Variants in CNTNAP2 observed in about 807,000 individuals in gnomAD.
The protein encoded by CNTNAP2 is contactin associated protein 2.
A neutral mutation model predicts 155.2 loss-of-function variants in CNTNAP2; 98 were observed. The ratio of observed to expected loss-of-function variants is 0.63; its 90% CI spans 0.54 to 0.75. The LOEUF (loss-of-function observed/expected upper bound fraction) is 0.75, where lower values mean the gene tolerates loss of function less well. CNTNAP2 is among the 30% of genes least tolerant of loss of function. CNTNAP2 has a pLI of 0.00. For missense variants in CNTNAP2, 1,727 were observed against 1,688.1 expected, an observed-to-expected ratio of 1.02 and a Z score of -0.40; for synonymous variants, 651 against 631.2, an observed-to-expected ratio of 1.03 and a Z score of -0.47.
intron 10 of CNTNAP2, among the ~76,000 whole-genome samples, chr7:147,434,336 C>T (rs1797515478): frequency 6.6e-6 from 1 of 152,002 alleles, no homozygotes. Context: ...CCCTATTTTC[C>T]TCACGTTTGT....
intron 13 of CNTNAP2, among the ~76,000 whole-genome samples, chr7:147,865,439 C>A (rs534744389): frequency 9.2e-5 from 14 of 152,150 alleles, no homozygotes; most frequent in Non-Finnish European, 1.5e-4. Flanking sequence ...ATGTTGGCCT[C>A]ATAAAGTGAG....
At chr7:147,011,350 C>T (rs1011569184) in intron 3 of CNTNAP2, among the ~76,000 whole-genome samples, 4 of 125,006 alleles carry the variant, frequency 3.2e-5, no homozygotes, top group African/African-American at 6.1e-5. Flanking sequence ...GGAGGCGAGG[C>T]GGGGGTTGCA....
At chr7:146,652,281 T>C (rs192129484) in intron 1 of CNTNAP2, among the ~76,000 whole-genome samples, 98 of 152,284 alleles carry the variant, frequency 6.4e-4, no homozygotes, top group African/African-American at 2.2e-3. Flanking sequence ...GAACATTTTC[T>C]GAATGACACA....
chr7:147,319,003 A>G (rs981303342), intron 9 of CNTNAP2, among the ~76,000 whole-genome samples: 5 of 152,178 alleles, frequency 3.3e-5, no homozygotes, highest in African/African-American at 1.2e-4. Flanking sequence ...TTTTAAAAAT[A>G]TAAGTGGATA....
At chr7:147,087,483 T>C (rs1012318440) in intron 4 of CNTNAP2, among the ~76,000 whole-genome samples, 1 of 152,202 alleles carries the variant, frequency 6.6e-6, no homozygotes, top group Non-Finnish European at 1.5e-5. Flanking sequence ...TAAAAGTCAT[T>C]GTTTGTACCT....
At chr7:147,004,512 AT>A (rs1798488933) in intron 3 of CNTNAP2, among the ~76,000 whole-genome samples, 1 of 152,062 alleles carries the variant, frequency 6.6e-6, no homozygotes, top group Non-Finnish European at 1.5e-5. Flanking sequence ...AGGTAAAAAT[AT>A]AAATTTCCGG....
chr7:146,175,143 T>A (rs1584787415), intron 1 of CNTNAP2, among the ~76,000 whole-genome samples: 1 of 152,082 alleles, frequency 6.6e-6, no homozygotes, highest in African/African-American at 2.4e-5. Context: ...AAGAAATGGG[T>A]AGATCATCTG....
At chr7:148,125,679 G>A (rs1421207021) in intron 16 of CNTNAP2, among the ~76,000 whole-genome samples, 2 of 145,336 alleles carry the variant, frequency 1.4e-5, no homozygotes, top group Non-Finnish European at 3.0e-5. Context: ...GTGTGTGTGT[G>A]TGTGTGTGTG....
chr7:147,736,209 C>A (rs1347026821), intron 13 of CNTNAP2, among the ~76,000 whole-genome samples: 2 of 152,010 alleles, frequency 1.3e-5, no homozygotes, highest in East Asian at 3.9e-4. Flanking sequence ...TCTTTTAGGG[C>A]AGGCCTGGTG....
intron 10 of CNTNAP2, 29 bp downstream of exon 10, chr7:147,395,809 T>G: frequency 6.2e-7 from 1 of 1,610,022 alleles, no homozygotes; most frequent in Non-Finnish European, 8.5e-7. Context: ...CTACCTCACG[T>G]TGTCCAAACT....
chr7:146,462,224 C>T (rs1208674100), intron 1 of CNTNAP2, among the ~76,000 whole-genome samples: 2 of 152,176 alleles, frequency 1.3e-5, no homozygotes, highest in African/African-American at 4.8e-5. Flanking sequence ...TTTATCTCTA[C>T]TTAAACCAAA....
chr7:147,039,467 T>C (rs368237845), intron 3 of CNTNAP2, among the ~76,000 whole-genome samples: 62 of 152,324 alleles, frequency 4.1e-4, no homozygotes, highest in African/African-American at 1.5e-3. Flanking sequence ...CATGTGGTAT[T>C]TGGTTTTCTG....
At chr7:146,311,739 G>T (rs140009652) in intron 1 of CNTNAP2, 1 of 151,516 alleles carries the variant, frequency 6.6e-6, no homozygotes, top group Non-Finnish European at 1.5e-5. Context: ...GAGTGCAGTG[G>T]TGTTTACAAC....
At chr7:147,131,462 T>C (rs1384854972) in intron 7 of CNTNAP2, among the ~76,000 whole-genome samples, 1 of 151,930 alleles carries the variant, frequency 6.6e-6, no homozygotes, top group East Asian at 1.9e-4. Flanking sequence ...ATGATAAATA[T>C]TTTTTTCTTT....
intron 3 of CNTNAP2, among the ~76,000 whole-genome samples, chr7:146,966,836 G>C (rs1253656869): frequency 2.0e-5 from 3 of 152,178 alleles, no homozygotes; most frequent in Non-Finnish European, 4.4e-5. Flanking sequence ...ATCTAGTTCA[G>C]CCTAAATCTA....
chr7:146,126,243 A>G (rs532506453), intron 1 of CNTNAP2, among the ~76,000 whole-genome samples: 1 of 152,340 alleles, frequency 6.6e-6, no homozygotes, highest in African/African-American at 2.4e-5. Flanking sequence ...CAACATTTTA[A>G]GGCTTGATTG....
intron 3 of CNTNAP2, among the ~76,000 whole-genome samples, chr7:146,869,272 A>C (rs948434957): frequency 1.3e-5 from 2 of 152,112 alleles, no homozygotes; most frequent in Non-Finnish European, 2.9e-5. Context: ...AATTTAGATA[A>C]TCATGTGTTT....
chr7:147,421,001 C>T (rs1428774343), intron 10 of CNTNAP2, among the ~76,000 whole-genome samples: 1 of 152,132 alleles, frequency 6.6e-6, no homozygotes, highest in African/African-American at 2.4e-5. Context: ...TATTGCAATG[C>T]AGTCTTCACA....
intron 1 of CNTNAP2, among the ~76,000 whole-genome samples, chr7:146,389,982 T>C (rs1795517108): frequency 6.6e-6 from 1 of 152,138 alleles, no homozygotes; most frequent in African/African-American, 2.4e-5. Context: ...ATTACAGATG[T>C]GAGCCATAGA....
Sources: gnomAD v4.1 joint callset for allele counts (sites outside exome capture counted in the v4.1 genomes callset) on GRCh38, gnomAD v4.1.1 for gene constraint, MANE v1.5 for transcripts, NCBI Gene and HGNC (gene_info 2026-07-23, HGNC 2026-07-21) for gene names.